MED25: variants seen among roughly 807,000 people sequenced by gnomAD.
The protein encoded by MED25 is mediator complex subunit 25.
In MED25, 62 loss-of-function variants were observed where a neutral mutation model predicts 89.4. The ratio of observed to expected loss-of-function variants is 0.69; its 90% CI spans 0.57 to 0.86. MED25 has a LOEUF of 0.86. Ranked by LOEUF, MED25 falls within the 40% of genes least tolerant of loss-of-function variation. MED25 has a pLI of 0.00. For synonymous variants in MED25, 449 were observed against 427.9 expected, an observed-to-expected ratio of 1.05 and a Z score of -0.61; for missense variants, 905 against 1,005.2, an observed-to-expected ratio of 0.90 and a Z score of 1.35.
Position 49,834,933 on chromosome 19 carries a change from A to G in MED25, c.1483-53A>G. On this transcript the variant is annotated intron_variant, in intron 13 of 17. Coordinates refer to ENST00000312865, the MANE Select transcript of MED25 (RefSeq NM_030973.4). The surrounding 1 kb of genome is among the most constrained non-coding windows in gnomAD (Gnocchi z 4.1). ...AGCCTTCTGGAATGGGGAGGGGGTCAGGGCTGCCTCTTTCAGGGCCTGAAT... is the reference window on the plus strand; with the variant it reads ...AGCCTTCTGGAATGGGGAGGGGGTCGGGGCTGCCTCTTTCAGGGCCTGAAT... 6.3e-7 allele frequency: 1 copy of G among 1,591,718 alleles called. No homozygotes were observed. The highest frequency in any genetic ancestry group is 8.6e-7 in the Non-Finnish European group (1 of 1,161,844).
At chr19:49,826,391 G>T (rs560669403) in intron 3 of MED25, among the ~76,000 whole-genome samples, 2 of 152,306 alleles carry the variant, frequency 1.3e-5, no homozygotes, top group Non-Finnish European at 2.9e-5. Flanking sequence ...GGAAGTGTGT[G>T]GTGGGTTGGG....
chr19:49,822,284 A>C (rs1190272284), intron 3 of MED25, among the ~76,000 whole-genome samples: 1 of 140,752 alleles, frequency 7.1e-6, no homozygotes, highest in East Asian at 2.1e-4. Context: ...AAAAAAAAAA[A>C]CCATACAAAA....
chr19:49,831,203 A>C lies in MED25; in HGVS notation c.1102-130A>C. On this transcript the variant is annotated intron_variant, in intron 9 of 17. Transcript: ENST00000312865. The surrounding 1 kb of genome is among the most constrained non-coding windows in gnomAD (Gnocchi z 5.0). ...AGCATTTGGGGTCCTGCGGCTGGCC[A>C]AGTGCTGTTCTGGGGATGGAGGGGC... 1 of 1,045,098 alleles carries C rather than the reference A, an allele frequency of 9.6e-7. No individual in the cohort carries two copies. Among genetic ancestry groups the C allele is most frequent in the East Asian group, 2.6e-5 (1 of 38,422 alleles). 64.7% of individuals were successfully genotyped at this position (1,045,098 alleles called of 1,614,324 possible).
Position 49,835,740 on chromosome 19 carries a change from C to G in MED25, c.1760C>G (p.Pro587Arg). 1 of 1,610,378 alleles carries G rather than the reference C, an allele frequency of 6.2e-7. No homozygotes were observed. Among genetic ancestry groups the G allele is most frequent in the Admixed American group, 1.7e-5 (1 of 59,902 alleles). Residue 587 changes from proline (P) to arginine (R), a missense_variant, in exon 16 of 18, where the codon CCA becomes CGA. Physicochemically the swap from Pro to Arg is moderately radical, Grantham distance 103 (BLOSUM62 -2). Around this residue, in one of 3 missense-constraint regions of MED25, gnomAD observed 271 missense variants for 258.1 expected, o/e 1.05. Coordinates refer to ENST00000312865, the MANE Select transcript of MED25 (RefSeq NM_030973.4). This position sits in a 1 kb window ranked among gnomAD's most constrained non-coding sequence, Gnocchi z 6.2. ...RPSQNLLQLR[P>R]PQPQPQGTVG... ...TCTTCCCACCAGCTCCAGCTCCGCC[C>G]ACCGCAGCCCCAGCCTCAGGGTACC...
intron 3 of MED25, among the ~76,000 whole-genome samples, chr19:49,822,091 G>A (rs1440216674): frequency 4.6e-5 from 7 of 151,262 alleles, no homozygotes; most frequent in South Asian, 4.2e-4. Context: ...GTGAAACCCC[G>A]TCTCTACTAA....
chr19:49,820,168 G>A lies in MED25; in HGVS notation c.305+872G>A, dbSNP rs566980070. On this transcript the variant is annotated intron_variant, in intron 3 of 17. Transcript: ENST00000312865. ...GACAGGAGAGAGCCCTCGGGTTAAA[G>A]CAGGAGAATCTTTCATTGAGTGCAC... Among the ~76,000 whole-genome samples, 17 of 152,220 alleles carry A rather than the reference G, an allele frequency of 1.1e-4. No individual in the cohort carries two copies. In the East Asian group the frequency reaches 3.1e-3, roughly 28 times the overall value.
At chr19:49,826,400 G>A (rs1157772389) in intron 3 of MED25, among the ~76,000 whole-genome samples, 1 of 152,200 alleles carries the variant, frequency 6.6e-6, no homozygotes, top group Non-Finnish European at 1.5e-5. Flanking sequence ...TGGTGGGTTG[G>A]GAGCAGCGCC....
At position 49,831,949 on chromosome 19, in the gene MED25, C is replaced by T. The variant is rs775141134; in HGVS notation, c.1244C>T (p.Ala415Val). Residue 415 changes from alanine to valine, a missense_variant, in exon 11 of 18, where the codon GCC becomes GTC. Physicochemically the swap from Ala to Val is moderately conservative, Grantham distance 64. Transcript: ENST00000312865. The surrounding 1 kb of genome is among the most constrained non-coding windows in gnomAD (Gnocchi z 5.0). ...VLEWQEKPKP[A>V]SVDANTKLTR... ...TTTCCCCCTCAGAAACCCAAACCTG[C>T]CTCAGTGGATGCCAACACCAAGCTG... The T allele has an allele frequency of 6.2e-7, 1 of 1,614,122 alleles. No individual in the cohort carries two copies. Among genetic ancestry groups the T allele is most frequent in the Non-Finnish European group, 8.5e-7 (1 of 1,180,002 alleles).
chr19:49,828,222 C>G (rs962658968), intron 3 of MED25, among the ~76,000 whole-genome samples: 2 of 149,302 alleles, frequency 1.3e-5, no homozygotes, highest in African/African-American at 5.0e-5. Flanking sequence ...GAGCGAGACT[C>G]CATCTCAAAA....
At chr19:49,822,396 C>T (rs1306981212) in intron 3 of MED25, among the ~76,000 whole-genome samples, 3 of 152,038 alleles carry the variant, frequency 2.0e-5, no homozygotes, top group Middle Eastern at 3.4e-3. Flanking sequence ...CGCACCACTG[C>T]GCTCCAGCTT....
chr19:49,824,855 TG>T (rs1191722923), intron 3 of MED25, among the ~76,000 whole-genome samples: 1 of 152,030 alleles, frequency 6.6e-6, no homozygotes, highest in African/African-American at 2.4e-5. Context: ...TTTGACCTCC[TG>T]GGGCTCCAGG....
chr19:49,819,386 A>G (rs71205607), intron 3 of MED25, 90 bp downstream of exon 3: 40,183 of 446,540 alleles, frequency 0.09, 745 homozygotes, highest in Non-Finnish European at 0.1. Flanking sequence ...TCCCCGTGAG[A>G]GGCTGTGAAT....
Position 49,831,572 on chromosome 19 carries a change from C to T in MED25, c.1230+111C>T, listed in dbSNP as rs577096951. On this transcript the variant is annotated intron_variant, in intron 10 of 17. Transcript: ENST00000312865. This position sits in a 1 kb window ranked among gnomAD's most constrained non-coding sequence, Gnocchi z 5.0. ...GGGTCTGCAGTGCTGGGTTTGGAGG[C>T]ATTCGTTGCGCTGGACCTGTGGGAT... is the stretch of plus-strand genomic sequence containing the variant. The T allele has an allele frequency of 3.2e-5, 43 of 1,355,778 alleles. No homozygotes were observed. The South Asian group carries it at 5.3e-4, about 17-fold the overall frequency. 84.0% of individuals were successfully genotyped at this position (1,355,778 alleles called of 1,614,324 possible).
rs528639054 is a variant in MED25, at chr19:49,835,171, G to A, written c.1668G>A (p.Gln556=). Residue 556 remains glutamine (Q), a synonymous_variant, in exon 14 of 18, where the codon CAG becomes CAA. Coordinates refer to ENST00000312865, the MANE Select transcript of MED25 (RefSeq NM_030973.4). This position sits in a 1 kb window ranked among gnomAD's most constrained non-coding sequence, Gnocchi z 6.2. ...AGCAGCAGAAGCTGGAGCAGCAGCA[G>A]CGAGGAGTGAGTGTTGACAGTCCCC... ...QVQQQKLEQQ[Q]RGMGGQQAPP... The A allele has an allele frequency of 2.5e-6, 4 of 1,613,978 alleles. No individual in the cohort carries two copies. The highest frequency in any genetic ancestry group is 3.4e-6 in the Non-Finnish European group (4 of 1,180,008).
chr19:49,834,705 G>A lies in MED25; in HGVS notation c.1483-281G>A, dbSNP rs2074083030. ...GTGGCATTTTATGCCCAAGAAACTG[G>A]GTCCATGAGGAGCAGGTGGTGGCTG... On this transcript the variant is annotated intron_variant, in intron 13 of 17. Transcript: ENST00000312865. This position sits in a 1 kb window ranked among gnomAD's most constrained non-coding sequence, Gnocchi z 4.1. 2.0e-6 allele frequency: 1 copy of A among 511,728 alleles called. No homozygotes were observed. Among genetic ancestry groups the A allele is most frequent in the Non-Finnish European group, 3.6e-6 (1 of 280,708 alleles). The allele number at this position is 511,728 out of a possible 1,614,324, so 31.7% of individuals were successfully genotyped here.
In MED25 at chr19:49,831,557, T is replaced by C; in HGVS notation, c.1230+96T>C. On this transcript the variant is annotated intron_variant, in intron 10 of 17. Transcript: ENST00000312865. The surrounding 1 kb of genome is among the most constrained non-coding windows in gnomAD (Gnocchi z 5.0). ...GGGGCCAGATGCGTGGGGTCTGCAG[T>C]GCTGGGTTTGGAGGCATTCGTTGCG... 6.9e-7 allele frequency: 1 copy of C among 1,458,770 alleles called. No individual in the cohort carries two copies. The highest frequency in any genetic ancestry group is 9.3e-7 in the Non-Finnish European group (1 of 1,078,198). The allele number at this position is 1,458,770 out of a possible 1,614,324, so 90.4% of individuals were successfully genotyped here.
At chr19:49,818,995 C>CTGGAT in intron 2 of MED25, 177 bp from the exon 3 acceptor site, 1 of 781,570 alleles carries the variant, frequency 1.3e-6, no homozygotes, top group Non-Finnish European at 2.1e-6. Context: ...GGCCGGGGGC[C>CTGGAT]TGGATTCCTG....
At position 49,819,021 on chromosome 19, in the gene MED25, G is replaced by T. The variant is rs116134211; in HGVS notation, c.181-151G>T. ...TGGATTCCTGGGTCTGAGGGAGAAG[G>T]GGCTGGGGCCGAGATTGCTGGGTCT... is the stretch of plus-strand genomic sequence containing the variant. On this transcript the variant is annotated intron_variant, in intron 2 of 17. Coordinates refer to ENST00000312865, the MANE Select transcript of MED25 (RefSeq NM_030973.4). 2,816 of 984,308 alleles carry T rather than the reference G, an allele frequency of 2.9e-3. 39 individuals carry two copies. In the African/African-American group the frequency reaches 0.038, roughly 13 times the overall value. 61.0% of individuals were successfully genotyped at this position (984,308 alleles called of 1,614,324 possible).
At chr19:49,819,670 C>T (rs977472558) in intron 3 of MED25, 2 of 352,648 alleles carry the variant, frequency 5.7e-6, no homozygotes, top group East Asian at 7.5e-5. Flanking sequence ...TGGCTGAGCT[C>T]CAGCAGCCAC....
Sources: allele counts gnomAD v4.1 joint callset (sites outside exome capture counted in the v4.1 genomes callset), GRCh38; gene constraint gnomAD v4.1.1; regional missense constraint gnomAD v4.1.1; non-coding constraint Gnocchi (gnomAD v3.1); transcripts MANE v1.5; gene names NCBI Gene and HGNC (gene_info 2026-07-23, HGNC 2026-07-21).